CHST11: variants seen among roughly 807,000 people sequenced by gnomAD.
CHST11 encodes the protein carbohydrate sulfotransferase 11, also known as C4S-1.
CHST11 carries 9 observed loss-of-function variants against 30.4 expected under a neutral mutation model. The observed-to-expected ratio is 0.30, with a 90% CI of 0.18 to 0.52. The LOEUF (loss-of-function observed/expected upper bound fraction) is 0.52, where lower values mean the gene tolerates loss of function less well. Ranked by LOEUF, CHST11 falls within the 20% of genes least tolerant of loss-of-function variation. The pLI is 0.97. For synonymous variants in CHST11, 152 were observed against 187.8 expected (o/e 0.81, Z 1.56); for missense variants, 348 against 460.6 (o/e 0.76, Z 2.24).
intron 1 of CHST11, among the ~76,000 whole-genome samples, chr12:104,495,132 TG>T (rs1182116410): frequency 6.6e-6 from 1 of 152,208 alleles, no homozygotes; most frequent in African/African-American, 2.4e-5. Flanking sequence ...AGTTCGTCCA[TG>T]TTGTAGCATG....
intron 1 of CHST11, among the ~76,000 whole-genome samples, chr12:104,575,741 G>T (rs1863629069): frequency 6.6e-6 from 1 of 152,054 alleles, no homozygotes; most frequent in South Asian, 2.1e-4. Flanking sequence ...CTCTTCTGAA[G>T]GAGGCTGTTC....
At chr12:104,531,533 C>G (rs1208992000) in intron 1 of CHST11, among the ~76,000 whole-genome samples, 1 of 151,424 alleles carries the variant, frequency 6.6e-6, no homozygotes, top group African/African-American at 2.4e-5. Flanking sequence ...ATGGGAAAAT[C>G]CTGCAAAGAA....
At chr12:104,727,966 T>C (rs914255160) in intron 2 of CHST11, among the ~76,000 whole-genome samples, 2 of 143,022 alleles carry the variant, frequency 1.4e-5, no homozygotes, top group Non-Finnish European at 3.2e-5. Flanking sequence ...GATCCAGGCG[T>C]GGATCCAGGC....
intron 1 of CHST11, among the ~76,000 whole-genome samples, chr12:104,564,808 T>A (rs540284013): frequency 1.3e-5 from 2 of 152,300 alleles, no homozygotes; most frequent in African/African-American, 4.8e-5. Context: ...TCCACATGGC[T>A]GGGGAGGCCT....
chr12:104,724,615 G>T (rs1319609435), intron 2 of CHST11, among the ~76,000 whole-genome samples: 2 of 152,062 alleles, frequency 1.3e-5, no homozygotes, highest in Non-Finnish European at 2.9e-5. Flanking sequence ...TTGTCCTCAG[G>T]CCTCCCCTCT....
chr12:104,743,267 G>A (rs1330108708), intron 2 of CHST11, among the ~76,000 whole-genome samples: 1 of 152,268 alleles, frequency 6.6e-6, no homozygotes, highest in African/African-American at 2.4e-5. Flanking sequence ...AAGCAGGGAA[G>A]GGGATGGGAG....
At chr12:104,558,517 T>G in intron 1 of CHST11, among the ~76,000 whole-genome samples, 1 of 150,048 alleles carries the variant, frequency 6.7e-6, no homozygotes, top group East Asian at 2.0e-4. Flanking sequence ...ACTATTGTCA[T>G]TCTCTCTGTT....
intron 2 of CHST11, among the ~76,000 whole-genome samples, chr12:104,727,177 A>G (rs1231974435): frequency 1.3e-5 from 2 of 152,164 alleles, no homozygotes; most frequent in Non-Finnish European, 2.9e-5. Context: ...GAATGGTTCT[A>G]ATAATGTAAT....
chr12:104,613,630 C>T (rs1349803649), intron 2 of CHST11, among the ~76,000 whole-genome samples: 5 of 152,214 alleles, frequency 3.3e-5, no homozygotes, highest in Non-Finnish European at 7.3e-5. Context: ...TCCCCTTCGC[C>T]TTCTACCATG....
intron 2 of CHST11, among the ~76,000 whole-genome samples, chr12:104,688,677 T>C (rs940649214): frequency 5.9e-5 from 9 of 152,244 alleles, no homozygotes; most frequent in Non-Finnish European, 8.8e-5. Flanking sequence ...TTCACACAGG[T>C]ATTATTTCTA....
At chr12:104,719,564 T>C (rs542288886) in intron 2 of CHST11, among the ~76,000 whole-genome samples, 1 of 152,346 alleles carries the variant, frequency 6.6e-6, no homozygotes, top group African/African-American at 2.4e-5. Context: ...AGCATAACTA[T>C]CTATTCATAG....
At chr12:104,742,842 C>T (rs1456851614) in intron 2 of CHST11, among the ~76,000 whole-genome samples, 3 of 152,226 alleles carry the variant, frequency 2.0e-5, no homozygotes, top group Non-Finnish European at 4.4e-5. Context: ...GTGGAAAGTG[C>T]CAGCGTCCCT....
intron 1 of CHST11, among the ~76,000 whole-genome samples, chr12:104,598,940 G>A (rs898703595): frequency 3.3e-5 from 5 of 151,120 alleles, no homozygotes; most frequent in African/African-American, 9.7e-5. Flanking sequence ...TGTCAGTCTC[G>A]AGGCTCAGCT....
intron 1 of CHST11, among the ~76,000 whole-genome samples, chr12:104,539,124 G>A (rs1475539271): frequency 1.3e-5 from 2 of 152,114 alleles, no homozygotes; most frequent in African/African-American, 2.4e-5. Context: ...TCTGCTAACC[G>A]TTCTTCCCTC....
intron 2 of CHST11, among the ~76,000 whole-genome samples, chr12:104,652,905 C>T (rs994769613): frequency 6.6e-6 from 1 of 152,216 alleles, no homozygotes; most frequent in African/African-American, 2.4e-5. Context: ...CCTACACACT[C>T]CCTACGCACA....
intron 2 of CHST11, among the ~76,000 whole-genome samples, chr12:104,629,422 GTCTC>G (rs1161313735): frequency 6.6e-6 from 1 of 152,236 alleles, no homozygotes; most frequent in Non-Finnish European, 1.5e-5. Context: ...CAAGAGGACA[GTCTC>G]TCTGAGTTCA....
intron 2 of CHST11, among the ~76,000 whole-genome samples, chr12:104,681,971 C>T (rs1219847869): frequency 6.6e-6 from 1 of 151,738 alleles, no homozygotes; most frequent in Non-Finnish European, 1.5e-5. Context: ...GATGGGACTA[C>T]AGGCACCCGC....
intron 2 of CHST11, among the ~76,000 whole-genome samples, chr12:104,695,325 A>C (rs2039934429): frequency 6.6e-6 from 1 of 152,180 alleles, no homozygotes; most frequent in South Asian, 2.1e-4. Context: ...ACTGAGGTAG[A>C]GGTTTTGTGT....
intron 1 of CHST11, among the ~76,000 whole-genome samples, chr12:104,457,882 C>T (rs2037370016): frequency 6.6e-6 from 1 of 151,450 alleles, no homozygotes; most frequent in South Asian, 2.1e-4. Flanking sequence ...GGGAAGCAAC[C>T]GGGGGTGAGG....
Sources: allele counts gnomAD v4.1 joint callset (sites outside exome capture counted in the v4.1 genomes callset), GRCh38; gene constraint gnomAD v4.1.1; transcripts MANE v1.5; gene names NCBI Gene and HGNC (gene_info 2026-07-23, HGNC 2026-07-21).